Variants in CFAP57 observed in about 807,000 individuals in gnomAD.
CFAP57 encodes cilia- and flagella-associated protein 57.
Under a neutral mutation model 146.8 loss-of-function variants are expected in CFAP57, and 116 were observed. That is an observed-to-expected ratio of 0.79 (90% CI 0.68 to 0.92). CFAP57 has a LOEUF of 0.92. Among genes scored for constraint, CFAP57 ranks in the 40% least tolerant of loss-of-function variants. The pLI, the probability that CFAP57 is intolerant of heterozygous loss-of-function variation, is 0.00. For synonymous variants in CFAP57, 518 were observed against 552.8 expected, an observed-to-expected ratio of 0.94 and a Z score of 0.88; for missense variants, 1,377 against 1,527.2, an observed-to-expected ratio of 0.90 and a Z score of 1.64.
chr1:43,209,196 T>C (rs1238798277), intron 10 of CFAP57, among the ~76,000 whole-genome samples: 1 of 152,156 alleles, frequency 6.6e-6, no homozygotes, highest in Non-Finnish European at 1.5e-5. Context: ...CCCTCAAGGA[T>C]AAGGGGAGAC....
chr1:43,191,205 G>A (rs758147911), intron 6 of CFAP57, among the ~76,000 whole-genome samples: 15 of 151,976 alleles, frequency 9.9e-5, no homozygotes, highest in Non-Finnish European at 2.2e-4. Flanking sequence ...GTCATTCTAG[G>A]AATTTGTCTA....
chr1:43,223,782 G>A (rs1645139944), intron 16 of CFAP57, among the ~76,000 whole-genome samples: 1 of 152,230 alleles, frequency 6.6e-6, no homozygotes, highest in African/African-American at 2.4e-5. Flanking sequence ...AACCTCTTGT[G>A]AAGACAGTCA....
intron 6 of CFAP57, among the ~76,000 whole-genome samples, chr1:43,189,274 A>G (rs960996477): frequency 6.6e-6 from 1 of 152,200 alleles, no homozygotes; most frequent in Non-Finnish European, 1.5e-5. Context: ...TTCAATTTCT[A>G]CAAGAAGCCA....
At chr1:43,207,025 G>T in intron 10 of CFAP57, 93 bp downstream of exon 10, 1 of 1,302,002 alleles carries the variant, frequency 7.7e-7, no homozygotes, top group South Asian at 1.2e-5. Context: ...CGGAATGAGG[G>T]CCTCTGCATA....
At chr1:43,241,358 CT>C (rs1645910091) in intron 21 of CFAP57, among the ~76,000 whole-genome samples, 3 of 152,196 alleles carry the variant, frequency 2.0e-5, no homozygotes, top group African/African-American at 7.2e-5. Flanking sequence ...AAGTAATATA[CT>C]GGAAGTCTAA....
At chr1:43,203,092 G>A (rs78235037) in intron 9 of CFAP57, among the ~76,000 whole-genome samples, 2,684 of 152,128 alleles carry the variant, frequency 0.018, 75 homozygotes, top group African/African-American at 0.061. Flanking sequence ...AGAATGGCAT[G>A]AACCTGGGGG....
At chr1:43,239,312 G>A (rs61479385) in intron 21 of CFAP57, among the ~76,000 whole-genome samples, 8,169 of 152,204 alleles carry the variant, frequency 0.054, 406 homozygotes, top group East Asian at 0.19. Context: ...ACTCCAAAAA[G>A]GATCAAGCCC....
rs541158459 is a variant in CFAP57 at position 43,201,782 on chromosome 1, A to C, written c.1542+2279A>C. Among the ~76,000 whole-genome samples, 54 of 152,154 alleles carry C rather than the reference A, an allele frequency of 3.5e-4. No homozygotes were observed. Among genetic ancestry groups the C allele is most frequent in the African/African-American group, 9.6e-4 (40 of 41,514 alleles). On this transcript the variant is annotated intron_variant, in intron 9 of 22. Transcript: ENST00000372492. The surrounding 1 kb of genome is among the most constrained non-coding windows in gnomAD (Gnocchi z 4.4). ...AGGCATGTACCACCACACCCGGGTA[A>C]TTTTGTATTTTTAATAGAGACGGGG...
At chr1:43,210,266 G>A (rs1387035936) in intron 11 of CFAP57, 6 of 1,465,728 alleles carry the variant, frequency 4.1e-6, no homozygotes, top group Non-Finnish European at 4.5e-6. Context: ...CAGACTGAAA[G>A]GAGCCATAGC....
chr1:43,226,959 A>G, intron 17 of CFAP57, 24 bp from the exon 18 acceptor site: 3 of 1,479,036 alleles, frequency 2.0e-6, no homozygotes, highest in Non-Finnish European at 2.7e-6. Context: ...AATATCTCTC[A>G]CTTCTCTCTC....
chr1:43,243,492 G>T, intron 22 of CFAP57, 133 bp downstream of exon 22: 1 of 925,296 alleles, frequency 1.1e-6, no homozygotes, highest in Non-Finnish European at 1.5e-6. Context: ...CCTGTCCGGG[G>T]CACACACCTG....
intron 2 of CFAP57, among the ~76,000 whole-genome samples, chr1:43,176,064 C>G (rs892665359): frequency 1.3e-5 from 2 of 152,078 alleles, no homozygotes; most frequent in African/African-American, 4.8e-5. Context: ...GCCTTGTACA[C>G]ATGTGGGTGG....
Position 43,201,259 on chromosome 1 carries a change from C to G in CFAP57, c.1542+1756C>G, listed in dbSNP as rs1370561044. Among the ~76,000 whole-genome samples, 1 of 151,976 alleles carries G rather than the reference C, an allele frequency of 6.6e-6. No homozygotes were observed. Among genetic ancestry groups the G allele is most frequent in the Non-Finnish European group, 1.5e-5 (1 of 68,006 alleles). ...TAAGAGACTGGTGAAAGAAGAGGAG[C>G]CGATGAAAGACTGAAAATAAAGATA... On this transcript the variant is annotated intron_variant, in intron 9 of 22. Transcript: ENST00000372492. The surrounding 1 kb of genome is among the most constrained non-coding windows in gnomAD (Gnocchi z 4.4).
intron 21 of CFAP57, 24 bp downstream of exon 21, chr1:43,234,662 C>G: frequency 6.5e-7 from 1 of 1,531,944 alleles, no homozygotes; most frequent in Non-Finnish European, 8.8e-7. Context: ...CCCCTCAGCC[C>G]CTGTGGAGGC....
Position 43,183,842 on chromosome 1 carries a change from C to CTT in CFAP57, c.727_728insTT (p.Ser243PhefsTer14), listed in dbSNP as rs776014441. The CTT allele has an allele frequency of 5.9e-5, 95 of 1,614,028 alleles. No individual in the cohort carries two copies. Among genetic ancestry groups the CTT allele is most frequent in the Non-Finnish European group, 8.0e-5 (94 of 1,180,026 alleles). On this transcript the variant is annotated frameshift_variant, in exon 4 of 23. Coordinates refer to ENST00000372492, the MANE Select transcript of CFAP57 (RefSeq NM_001378189.1). LOFTEE classifies it high-confidence loss of function. ...TAATGGTCAAGGAACCTACCAATGG[C>CTT]TCAAAGAGCCTGGATGTCATTCAGG...
intron 2 of CFAP57, among the ~76,000 whole-genome samples, chr1:43,179,029 G>A (rs150473917): frequency 7.2e-5 from 11 of 152,016 alleles, no homozygotes; most frequent in East Asian, 1.9e-4. Context: ...GCAAACTGTC[G>A]CAAGGACAAA....
intron 12 of CFAP57, among the ~76,000 whole-genome samples, chr1:43,216,306 A>C (rs1034128069): frequency 6.6e-6 from 1 of 152,188 alleles, no homozygotes; most frequent in African/African-American, 2.4e-5. Context: ...CACTGCCACA[A>C]AGCACGGTGA....
rs1028303850 is a variant in CFAP57 at position 43,243,275 on chromosome 1, A to G, written c.3454A>G (p.Lys1152Glu). 1.3e-6 allele frequency: 2 copies of G among 1,550,148 alleles called. No individual in the cohort carries two copies. The highest frequency in any genetic ancestry group is 2.7e-5 in the African/African-American group (2 of 73,040). The change falls in exon 22 of 23, where the codon AAG becomes GAG. Residue 1152 changes from lysine (K) to glutamate (E), a missense_variant. Coordinates refer to ENST00000372492, the MANE Select transcript of CFAP57 (RefSeq NM_001378189.1). ...KEINELRRELKFTRSQVYDLE... is the reference protein window; with the variant it reads ...KEINELRRELEFTRSQVYDLE... ...AATTAATGAGCTCCGCAGGGAGCTG[A>G]AGTTCACTCGGTCCCAAGTCTATGA...
At position 43,201,867 on chromosome 1, in the gene CFAP57, G is replaced by A. The variant is rs1211462509; in HGVS notation, c.1542+2364G>A. 6.6e-6 allele frequency among the ~76,000 whole-genome samples: 1 copy of A among 152,094 alleles called. No individual in the cohort carries two copies. Among genetic ancestry groups the A allele is most frequent in the East Asian group, 1.9e-4 (1 of 5,192 alleles). On this transcript the variant is annotated intron_variant, in intron 9 of 22. Transcript: ENST00000372492. This position sits in a 1 kb window ranked among gnomAD's most constrained non-coding sequence, Gnocchi z 4.4. The stretch of plus-strand genomic sequence containing the variant: ...TGACCTCAGGTGATCCACCCACCTC[G>A]GCCTCCCAAAGTCCTGGGATTACAG...
Sources: gnomAD v4.1 joint callset for allele counts (sites outside exome capture counted in the v4.1 genomes callset) on GRCh38, gnomAD v4.1.1 for gene constraint, Gnocchi (gnomAD v3.1) non-coding constraint, MANE v1.5 for transcripts, NCBI Gene and HGNC (gene_info 2026-07-23, HGNC 2026-07-21) for gene names.